Variants in GALNT13 observed in about 807,000 individuals in gnomAD.
GALNT13 encodes the protein UDP-GalNAc:polypeptide N-acetylgalactosaminyltransferase 13.
In GALNT13, 28 loss-of-function variants were observed where a neutral mutation model predicts 64.2. That is an observed-to-expected ratio of 0.44 (90% CI 0.32 to 0.60). The LOEUF (loss-of-function observed/expected upper bound fraction) is 0.60. Among genes scored for constraint, GALNT13 ranks in the 20% least tolerant of loss-of-function variants. The probability of loss-of-function intolerance (pLI) is 0.05; values close to 1 mark genes in which losing one functional copy is unlikely to be tolerated. For synonymous variants in GALNT13, 214 were observed against 224.6 expected (o/e 0.95, Z 0.42); for missense variants, 577 against 669.8 (o/e 0.86, Z 1.53).
chr2:153,928,522 T>C (rs1388631281), intron 2 of GALNT13, among the ~76,000 whole-genome samples: 9 of 152,096 alleles, frequency 5.9e-5, no homozygotes. Flanking sequence ...ATTTCTCCCT[T>C]CCCCTCTTGA....
intron 1 of GALNT13, among the ~76,000 whole-genome samples, chr2:153,891,738 C>A (rs963186647): frequency 2.6e-5 from 4 of 152,074 alleles, no homozygotes; most frequent in African/African-American, 9.7e-5. Flanking sequence ...GAGCATGTAA[C>A]TCCTGGGTGT....
chr2:153,982,388 G>A (rs1374363058), intron 3 of GALNT13, among the ~76,000 whole-genome samples: 1 of 152,046 alleles, frequency 6.6e-6, no homozygotes, highest in Non-Finnish European at 1.5e-5. Flanking sequence ...TGTATACAAA[G>A]CATTTTCTAC....
the GALNT13 span, among the ~76,000 whole-genome samples, chr2:153,565,915 ATAAGTTCAAAATAATGACTGG>A: frequency 6.6e-6 from 1 of 152,006 alleles, no homozygotes; most frequent in African/African-American, 2.4e-5. Context: ...ATGAAAAAAA[ATAAGTTCAAAATAATGACTGG>A]TACATAAAAA....
intron 3 of GALNT13, among the ~76,000 whole-genome samples, chr2:154,013,667 C>T (rs971336030): frequency 6.6e-6 from 1 of 152,144 alleles, no homozygotes; most frequent in South Asian, 2.1e-4. Context: ...GTTGCACCCA[C>T]CGCTGTGCGG....
chr2:154,021,586 T>C (rs1203296075), intron 3 of GALNT13, among the ~76,000 whole-genome samples: 1 of 152,004 alleles, frequency 6.6e-6, no homozygotes, highest in Non-Finnish European at 1.5e-5. Flanking sequence ...GCTTATCAGC[T>C]TGAGGAGATT....
chr2:153,473,154 T>C, the GALNT13 span, among the ~76,000 whole-genome samples: 8 of 152,008 alleles, frequency 5.3e-5, no homozygotes, highest in African/African-American at 1.7e-4. Context: ...ACCTACATGT[T>C]CTGCACATGT....
chr2:153,782,474 A>G, the GALNT13 span, among the ~76,000 whole-genome samples: 1 of 152,172 alleles, frequency 6.6e-6, no homozygotes, highest in Non-Finnish European at 1.5e-5. Context: ...TAAACATAAA[A>G]AGGATACCAT....
the GALNT13 span, among the ~76,000 whole-genome samples, chr2:153,517,183 T>G: frequency 6.6e-6 from 1 of 152,166 alleles, no homozygotes. Flanking sequence ...TAAAAAATAG[T>G]ACATATACTC....
chr2:154,374,414 C>G (rs954789070), intron 9 of GALNT13, among the ~76,000 whole-genome samples: 10 of 152,076 alleles, frequency 6.6e-5, no homozygotes, highest in African/African-American at 2.4e-4. Context: ...GAGCTGATGG[C>G]TCTTGTTTAG....
At chr2:153,113,738 T>G in the GALNT13 span, among the ~76,000 whole-genome samples, 14 of 152,200 alleles carry the variant, frequency 9.2e-5, no homozygotes, top group East Asian at 2.7e-3. Flanking sequence ...TCTAGCCTCA[T>G]ATGCAGAAGG....
chr2:154,367,073 TAAA>T (rs1288624479), intron 9 of GALNT13, among the ~76,000 whole-genome samples: 1 of 151,924 alleles, frequency 6.6e-6, no homozygotes, highest in Non-Finnish European at 1.5e-5. Flanking sequence ...ACTCCTTTTT[TAAA>T]AAAAAATTGA....
At chr2:153,604,959 G>T in the GALNT13 span, among the ~76,000 whole-genome samples, 1 of 151,886 alleles carries the variant, frequency 6.6e-6, no homozygotes, top group Non-Finnish European at 1.5e-5. Flanking sequence ...AGAAATATAG[G>T]GCCCAGGGAA....
At chr2:154,423,125 A>T (rs2105429380) in intron 11 of GALNT13, among the ~76,000 whole-genome samples, 1 of 129,718 alleles carries the variant, frequency 7.7e-6, no homozygotes, top group Admixed American at 9.3e-5. Flanking sequence ...AAGTGTTCTC[A>T]TTGTTCATTT....
intron 7 of GALNT13, among the ~76,000 whole-genome samples, chr2:154,257,201 G>A (rs555986420): frequency 1.9e-4 from 29 of 152,026 alleles, no homozygotes; most frequent in Non-Finnish European, 3.5e-4. Context: ...TTTCTTAATA[G>A]TATAAATAGC....
At chr2:154,196,706 A>G (rs1384914019) in intron 4 of GALNT13, among the ~76,000 whole-genome samples, 2 of 152,238 alleles carry the variant, frequency 1.3e-5, no homozygotes. Flanking sequence ...TGTGATAATT[A>G]TAAATTCAAC....
chr2:153,266,776 A>G, the GALNT13 span, among the ~76,000 whole-genome samples: 2 of 152,206 alleles, frequency 1.3e-5, no homozygotes, highest in Non-Finnish European at 2.9e-5. Flanking sequence ...CACAGAGCCA[A>G]AGCATATCAT....
At chr2:153,611,829 T>C in the GALNT13 span, among the ~76,000 whole-genome samples, 1 of 151,772 alleles carries the variant, frequency 6.6e-6, no homozygotes, top group South Asian at 2.1e-4. Context: ...ACGTATTAGG[T>C]ATTTGTCCTA....
chr2:154,424,140 A>T (rs1381969011), intron 11 of GALNT13, among the ~76,000 whole-genome samples: 1 of 152,172 alleles, frequency 6.6e-6, no homozygotes, highest in South Asian at 2.1e-4. Context: ...GGGATCTTGG[A>T]AAAAAGGAGC....
chr2:154,437,627 C>T (rs112388854), intron 11 of GALNT13: 45,355 of 780,754 alleles, frequency 0.058, 1,952 homozygotes, highest in East Asian at 0.23. Flanking sequence ...GAGGCCGAGG[C>T]AGGTGGATCA....
Sources: allele counts gnomAD v4.1 joint callset (sites outside exome capture counted in the v4.1 genomes callset), GRCh38; gene constraint gnomAD v4.1.1; transcripts MANE v1.5; gene names NCBI Gene and HGNC (gene_info 2026-07-23, HGNC 2026-07-21).